Variants in ARMC9 observed in about 807,000 individuals in gnomAD.
ARMC9 encodes armadillo repeat containing 9, also known as lisH domain-containing protein ARMC9.
In ARMC9, 94 loss-of-function variants were observed where a neutral mutation model predicts 107.0. The observed-to-expected ratio is 0.88, with a 90% CI of 0.74 to 1.04. The LOEUF (loss-of-function observed/expected upper bound fraction) is 1.04, where lower values mean the gene tolerates loss of function less well. Ranked by LOEUF, ARMC9 falls within the 50% of genes least tolerant of loss-of-function variation. The pLI, the probability that ARMC9 is intolerant of heterozygous loss-of-function variation, is 0.00. For missense variants in ARMC9, 942 were observed against 1,030.1 expected (o/e 0.91, Z 1.17); for synonymous variants, 380 against 396.9 (o/e 0.96, Z 0.51).
intron 2 of ARMC9, among the ~76,000 whole-genome samples, chr2:231,207,571 G>A (rs543743275): frequency 6.6e-6 from 1 of 151,838 alleles, no homozygotes; most frequent in East Asian, 1.9e-4. Context: ...CACCTCCTGG[G>A]CTCAAGCGAT....
chr2:231,309,583 G>A (rs1000968720), intron 19 of ARMC9, among the ~76,000 whole-genome samples: 5 of 151,976 alleles, frequency 3.3e-5, no homozygotes, highest in Non-Finnish European at 5.9e-5. Context: ...TTAGCGTCTG[G>A]GTCTAGAAAT....
Position 231,226,866 on chromosome 2 carries a change from G to A in ARMC9, c.622+68G>A, listed in dbSNP as rs1355078042. ...AGTTCAGGTTTGAAGTAGTAAGATC[G>A]GTGCAAAGATGGAGAGAATTCATGA... On this transcript the variant is annotated intron_variant, in intron 7 of 24. Transcript: ENST00000611582. 19 of 1,519,676 alleles carry A rather than the reference G, an allele frequency of 1.3e-5. 1 individual carries two copies. The highest frequency in any genetic ancestry group is 2.8e-5 in the African/African-American group (2 of 72,312). The allele number at this position is 1,519,676 out of a possible 1,614,324, so 94.1% of individuals were successfully genotyped here.
In ARMC9 at chr2:231,289,005, A is replaced by G. The variant is rs889483708; in HGVS notation, c.1627-2348A>G. Among the ~76,000 whole-genome samples the G allele has an allele frequency of 2.0e-5, 3 of 152,182 alleles. 1 individual carries two copies. The highest frequency in any genetic ancestry group is 2.0e-4 in the Admixed American group (3 of 15,284). On this transcript the variant is annotated intron_variant, in intron 17 of 24. Coordinates refer to ENST00000611582, the MANE Select transcript of ARMC9 (RefSeq NM_001352754.2). The stretch of plus-strand genomic sequence containing the variant: ...TGTATTCCCATTTTTATGCATCTGG[A>G]TTATTCACTAGGACCTTTTATTATC...
intron 23 of ARMC9, among the ~76,000 whole-genome samples, chr2:231,365,256 G>T (rs1037988254): frequency 6.6e-6 from 1 of 152,204 alleles, no homozygotes; most frequent in Non-Finnish European, 1.5e-5. Flanking sequence ...AAAATGTAAA[G>T]GGTGATATAC....
In ARMC9 at chr2:231,278,426, C is replaced by T. The variant is rs763517346; in HGVS notation, c.1519C>T (p.Leu507Phe). The T allele has an allele frequency of 8.7e-6, 14 of 1,613,976 alleles. No homozygotes were observed. The East Asian group carries it at 3.1e-4, about 36-fold the overall frequency. The change falls in exon 16 of 25, where the codon CTT becomes TTT. Residue 507 changes from leucine (L) to phenylalanine (F), a missense_variant. Coordinates refer to ENST00000611582, the MANE Select transcript of ARMC9 (RefSeq NM_001352754.2). Reference protein sequence around the residue: ...AKVAGLVLKVLSDLLGHENHE... With the variant: ...AKVAGLVLKVFSDLLGHENHE... ...GGTGGCAGGCCTCGTGCTCAAAGTCCTTTCGGATCTTCTTGGCCATGAAAA... is the reference window on the plus strand; with the variant it reads ...GGTGGCAGGCCTCGTGCTCAAAGTCTTTTCGGATCTTCTTGGCCATGAAAA...
intron 19 of ARMC9, among the ~76,000 whole-genome samples, chr2:231,314,657 C>A (rs2042560974): frequency 6.6e-6 from 1 of 152,178 alleles, no homozygotes; most frequent in Non-Finnish European, 1.5e-5. Context: ...GTTGTCACAA[C>A]CAAAAATGTT....
At chr2:231,324,676 G>A (rs1412349229) in intron 19 of ARMC9, among the ~76,000 whole-genome samples, 3 of 151,696 alleles carry the variant, frequency 2.0e-5, no homozygotes, top group African/African-American at 2.4e-5. Context: ...CCGAGGAGGC[G>A]GAGGTTGTGG....
At chr2:231,320,714 C>A (rs2125534153) in intron 19 of ARMC9, among the ~76,000 whole-genome samples, 1 of 152,258 alleles carries the variant, frequency 6.6e-6, no homozygotes, top group African/African-American at 2.4e-5. Flanking sequence ...CTGTCTTAAT[C>A]CCTGGTAGGC....
intron 2 of ARMC9, among the ~76,000 whole-genome samples, chr2:231,207,168 C>T (rs1468385677): frequency 6.6e-6 from 1 of 152,030 alleles, no homozygotes; most frequent in Non-Finnish European, 1.5e-5. Flanking sequence ...CCATGCTCAG[C>T]TAGGTTTTAT....
chr2:231,300,686 G>A (rs1207314654), intron 19 of ARMC9, among the ~76,000 whole-genome samples: 3 of 152,196 alleles, frequency 2.0e-5, no homozygotes, highest in East Asian at 1.9e-4. Flanking sequence ...AAATCCAGGT[G>A]GTCTGACTCA....
At chr2:231,302,856 T>G (rs949229892) in intron 19 of ARMC9, among the ~76,000 whole-genome samples, 4 of 151,950 alleles carry the variant, frequency 2.6e-5, no homozygotes, top group African/African-American at 9.7e-5. Context: ...ATACAAAAAT[T>G]AGCTGGGCAT....
chr2:231,304,494 T>C (rs2041938641), intron 19 of ARMC9, among the ~76,000 whole-genome samples: 1 of 152,176 alleles, frequency 6.6e-6, no homozygotes, highest in Non-Finnish European at 1.5e-5. Context: ...CCTCCTGGGT[T>C]CAAGTGGTTC....
chr2:231,291,372 G>T lies in ARMC9; in HGVS notation c.1646G>T (p.Arg549Leu), dbSNP rs761162897. 1 of 1,613,464 alleles carries T rather than the reference G, an allele frequency of 6.2e-7. No individual in the cohort carries two copies. The highest frequency in any genetic ancestry group is 1.1e-5 in the South Asian group (1 of 91,070). The change falls in exon 18 of 25, where the codon CGC (arginine) becomes CTC (leucine). Residue 549 changes from arginine (R) to leucine (L), a missense_variant. By Grantham distance (102) the Arg-to-Leu change is moderately radical (BLOSUM62 -2). Coordinates refer to ENST00000611582, the MANE Select transcript of ARMC9 (RefSeq NM_001352754.2). Reference sequence around the variant, plus strand: ...TTCTAGGGAATGGAAGACATCCTACGCTGCTTCATCAAAGAAGGCAATGCT... The same window carrying T: ...TTCTAGGGAATGGAAGACATCCTACTCTGCTTCATCAAAGAAGGCAATGCT... ...ARAMGMEDIL[R>L]CFIKEGNAEM...
chr2:231,273,161 G>A, intron 14 of ARMC9, 83 bp downstream of exon 14: 2 of 1,524,074 alleles, frequency 1.3e-6, no homozygotes, highest in Non-Finnish European at 1.8e-6. Context: ...GAGGCAGATG[G>A]TATTTTTCCA....
intron 6 of ARMC9, among the ~76,000 whole-genome samples, chr2:231,224,550 A>G (rs2034463953): frequency 6.6e-6 from 1 of 152,260 alleles, no homozygotes; most frequent in Admixed American, 6.5e-5. Context: ...AGTCCAGTAT[A>G]TAGTAAGTGC....
chr2:231,259,020 C>T lies in ARMC9; in HGVS notation c.944C>T (p.Ser315Phe). 1.2e-6 allele frequency: 2 copies of T among 1,614,052 alleles called. No individual in the cohort carries two copies. Among genetic ancestry groups the T allele is most frequent in the Non-Finnish European group, 1.7e-6 (2 of 1,179,940 alleles). Residue 315 changes from serine (S) to phenylalanine (F), a missense_variant, in exon 11 of 25, where the codon TCC becomes TTC. Coordinates refer to ENST00000611582, the MANE Select transcript of ARMC9 (RefSeq NM_001352754.2). Reference protein sequence around the residue: ...VKLKDVPLLPSLDYEKLKKDL... With the variant: ...VKLKDVPLLPFLDYEKLKKDL... Reference sequence around the variant, plus strand: ...TTGAAGGATGTCCCATTACTGCCCTCCTTGGATTATGAGAAACTGAAGAAG... The same window carrying T: ...TTGAAGGATGTCCCATTACTGCCCTTCTTGGATTATGAGAAACTGAAGAAG...
At chr2:231,211,921 C>T (rs961353162) in intron 3 of ARMC9, among the ~76,000 whole-genome samples, 4 of 152,250 alleles carry the variant, frequency 2.6e-5, no homozygotes, top group South Asian at 4.1e-4. Flanking sequence ...CATATCTTTT[C>T]TGCTCATCCA....
At chr2:231,209,351 A>G (rs916496996) in intron 3 of ARMC9, among the ~76,000 whole-genome samples, 1 of 152,202 alleles carries the variant, frequency 6.6e-6, no homozygotes, top group South Asian at 2.1e-4. Context: ...GCTGCACTCC[A>G]GCTGTAGTGA....
chr2:231,349,508 G>A (rs566408260), intron 21 of ARMC9, among the ~76,000 whole-genome samples: 7 of 152,264 alleles, frequency 4.6e-5, no homozygotes, highest in African/African-American at 9.6e-5. Context: ...TGGGCCAGGC[G>A]TGGTGGCTCA....
Sources: gnomAD v4.1 joint callset for allele counts (sites outside exome capture counted in the v4.1 genomes callset) on GRCh38, gnomAD v4.1.1 for gene constraint, MANE v1.5 for transcripts, NCBI Gene and HGNC (gene_info 2026-07-23, HGNC 2026-07-21) for gene names.